The following GARIN2 variants were observed in gnomAD, a reference collection of about 807,000 sequenced individuals.
GARIN2 encodes the protein golgi associated RAB2 interactor family member 2.
the GARIN2 span, chr14:67,199,174 C>A: frequency 1.2e-6 from 2 of 1,603,092 alleles, no homozygotes; most frequent in Non-Finnish European, 8.5e-7. Flanking sequence ...CAGGCTGGAC[C>A]AGTAGTCAAC....
At chr14:67,222,866 C>G in the GARIN2 span, among the ~76,000 whole-genome samples, 8 of 152,056 alleles carry the variant, frequency 5.3e-5, no homozygotes, top group African/African-American at 9.7e-5. Context: ...AAAAAAAATA[C>G]TGCTTCAAAA....
the GARIN2 span, chr14:67,198,274 A>G: frequency 1.4e-5 from 23 of 1,613,954 alleles, no homozygotes; most frequent in South Asian, 1.5e-4. Context: ...GGAGGAGAGT[A>G]TGCCCCTTTT....
chr14:67,189,837 A>ATTTTTT, the GARIN2 span: 6 of 108,094 alleles, frequency 5.6e-5, no homozygotes, highest in African/African-American at 1.1e-4. Flanking sequence ...ATTTTTTTTA[A>ATTTTTT]TTTTTTTTTT....
chr14:67,227,439 C>CAAAAAAAAAAAAA, the GARIN2 span: 1 of 83,658 alleles, frequency 1.2e-5, no homozygotes. Context: ...GATGCTGTCT[C>CAAAAAAAAAAAAA]AAAAAAAAAA....
the GARIN2 span, among the ~76,000 whole-genome samples, chr14:67,190,483 A>G: frequency 6.6e-6 from 1 of 152,228 alleles, no homozygotes; most frequent in Non-Finnish European, 1.5e-5. Context: ...TTGGCCTCCC[A>G]AAGTTCTGGG....
the GARIN2 span, among the ~76,000 whole-genome samples, chr14:67,193,954 CA>C: frequency 1.2e-4 from 10 of 85,738 alleles, no homozygotes; most frequent in East Asian, 3.2e-4. Flanking sequence ...CAAAAAAAAA[CA>C]AAAAAAAAAC....
the GARIN2 span, chr14:67,200,527 G>T: frequency 7.4e-6 from 2 of 269,478 alleles, no homozygotes; most frequent in Non-Finnish European, 1.4e-5. Context: ...AATGCACAGA[G>T]AAAATAAAAC....
At chr14:67,212,633 A>AAT in the GARIN2 span, among the ~76,000 whole-genome samples, 1 of 145,754 alleles carries the variant, frequency 6.9e-6, no homozygotes, top group East Asian at 2.0e-4. Context: ...TATTATATAT[A>AAT]ATATATATTA....
chr14:67,224,706 G>C, the GARIN2 span: 1 of 300,590 alleles, frequency 3.3e-6, no homozygotes. Context: ...AGAGACAAAG[G>C]ATAGAGATTC....
chr14:67,191,387 T>C, the GARIN2 span, among the ~76,000 whole-genome samples: 1 of 152,212 alleles, frequency 6.6e-6, no homozygotes, highest in Admixed American at 6.5e-5. Context: ...CACATGGTAA[T>C]GGTCAACAGG....
chr14:67,199,615 G>A, the GARIN2 span: 3 of 1,587,852 alleles, frequency 1.9e-6, no homozygotes, highest in Non-Finnish European at 2.6e-6. Context: ...CCAAGGGTGA[G>A]CGCCATGGCT....
At chr14:67,216,765 A>G in the GARIN2 span, among the ~76,000 whole-genome samples, 1 of 152,172 alleles carries the variant, frequency 6.6e-6, no homozygotes, top group Non-Finnish European at 1.5e-5. Context: ...CAGATAAAAT[A>G]CTTGATAAGA....
chr14:67,212,597 AAAT>A, the GARIN2 span, among the ~76,000 whole-genome samples: 307 of 122,502 alleles, frequency 2.5e-3, 3 homozygotes, highest in African/African-American at 7.4e-3. Flanking sequence ...TTGAAAAAAA[AAAT>A]ATATATATAT....
chr14:67,222,518 T>C, the GARIN2 span, among the ~76,000 whole-genome samples: 5 of 152,280 alleles, frequency 3.3e-5, no homozygotes, highest in East Asian at 9.7e-4. Flanking sequence ...TCCAGTGATC[T>C]GCCCACCTGG....
chr14:67,191,706 C>T, the GARIN2 span, among the ~76,000 whole-genome samples: 1 of 152,198 alleles, frequency 6.6e-6, no homozygotes, highest in East Asian at 1.9e-4. Flanking sequence ...GATAGGGAAG[C>T]CCTGACGACA....
At chr14:67,213,098 T>TTG in the GARIN2 span, among the ~76,000 whole-genome samples, 1 of 149,970 alleles carries the variant, frequency 6.7e-6, no homozygotes, top group African/African-American at 2.4e-5. Flanking sequence ...CTGTGGTGTT[T>TTG]TTTTTTTTTT....
the GARIN2 span, chr14:67,222,162 A>G: frequency 1.1e-4 from 25 of 227,800 alleles, no homozygotes; most frequent in South Asian, 3.4e-3. Flanking sequence ...AGGACCTGCC[A>G]TCCTTGCTGA....
At chr14:67,214,753 G>A in the GARIN2 span, among the ~76,000 whole-genome samples, 1 of 152,116 alleles carries the variant, frequency 6.6e-6, no homozygotes, top group Non-Finnish European at 1.5e-5. Context: ...AAATTACCTT[G>A]GGCAGTGTGG....
chr14:67,213,087 T>G, the GARIN2 span, among the ~76,000 whole-genome samples: 135 of 142,214 alleles, frequency 9.5e-4, no homozygotes, highest in African/African-American at 3.8e-3. Context: ...GGCATAGAAT[T>G]CTGTGGTGTT....
Sources: allele counts gnomAD v4.1 joint callset (sites outside exome capture counted in the v4.1 genomes callset), GRCh38; gene constraint gnomAD v4.1.1; transcripts MANE v1.5; gene names NCBI Gene and HGNC (gene_info 2026-07-23, HGNC 2026-07-21).